GRK4: variants seen among roughly 807,000 people sequenced by gnomAD.
GRK4 encodes G protein-coupled receptor kinase 2-like.
A neutral mutation model predicts 77.9 loss-of-function variants in GRK4; 73 were observed. The observed-to-expected ratio is 0.94, with a 90% CI of 0.78 to 1.14. GRK4 has a LOEUF of 1.14. GRK4 is among the 50% of genes most tolerant of loss of function. The pLI, the probability that GRK4 is intolerant of heterozygous loss-of-function variation, is 0.00. For synonymous variants in GRK4, 257 were observed against 254.4 expected, an observed-to-expected ratio of 1.01 and a Z score of -0.10; for missense variants, 729 against 700.2, an observed-to-expected ratio of 1.04 and a Z score of -0.46.
At chr4:3,037,683 G>T (rs1741164992) in intron 14 of GRK4, among the ~76,000 whole-genome samples, 172 bp downstream of exon 14, 1 of 152,132 alleles carries the variant, frequency 6.6e-6, no homozygotes, top group Admixed American at 6.6e-5. Flanking sequence ...TTGGGAGGCT[G>T]AGGCAGGCAG....
At chr4:2,969,676 CTTT>C (rs11367430) in intron 1 of GRK4, among the ~76,000 whole-genome samples, 1 of 147,738 alleles carries the variant, frequency 6.8e-6, no homozygotes, top group Non-Finnish European at 1.5e-5. Flanking sequence ...GGTGCCCAGC[CTTT>C]TTTTTTTTTA....
At chr4:3,011,480 G>A (rs1256002607) in intron 7 of GRK4, among the ~76,000 whole-genome samples, 1 of 152,158 alleles carries the variant, frequency 6.6e-6, no homozygotes, top group African/African-American at 2.4e-5. Flanking sequence ...GTATAATTAT[G>A]ATTGTATAGA....
intron 3 of GRK4, among the ~76,000 whole-genome samples, chr4:2,990,246 C>CTTTTTT (rs71644371): frequency 4.5e-3 from 317 of 70,740 alleles, no homozygotes; most frequent in Non-Finnish European, 5.1e-3. Context: ...TCTTCTTCTT[C>CTTTTTT]TTTTTTTTTT....
At chr4:2,990,183 C>G (rs1261965841) in intron 3 of GRK4, among the ~76,000 whole-genome samples, 1 of 149,924 alleles carries the variant, frequency 6.7e-6, no homozygotes, top group African/African-American at 2.5e-5. Flanking sequence ...TCCCTCAGAT[C>G]TCTCCCAGTC....
At chr4:3,027,125 G>A (rs565855584) in intron 10 of GRK4, among the ~76,000 whole-genome samples, 3 of 152,204 alleles carry the variant, frequency 2.0e-5, no homozygotes, top group Admixed American at 1.3e-4. Context: ...CCGCAGCCTC[G>A]ACCTTCTGGG....
chr4:3,013,440 C>T (rs1267533597), intron 7 of GRK4, among the ~76,000 whole-genome samples: 1 of 152,150 alleles, frequency 6.6e-6, no homozygotes, highest in Non-Finnish European at 1.5e-5. Flanking sequence ...AAAAATTAAA[C>T]ATTTACCGTG....
At chr4:2,985,217 G>A (rs924720413) in intron 2 of GRK4, among the ~76,000 whole-genome samples, 28 of 151,068 alleles carry the variant, frequency 1.9e-4, no homozygotes, top group Admixed American at 3.3e-4. Context: ...TCGAGACCAC[G>A]GTGAAACCCC....
intron 8 of GRK4, among the ~76,000 whole-genome samples, chr4:3,019,349 G>A (rs1201987798): frequency 6.6e-6 from 1 of 152,210 alleles, no homozygotes; most frequent in African/African-American, 2.4e-5. Flanking sequence ...CTCAAGTGAT[G>A]AGAGCACAAC....
At chr4:3,012,170 G>A (rs950142342) in intron 7 of GRK4, among the ~76,000 whole-genome samples, 12 of 152,132 alleles carry the variant, frequency 7.9e-5, no homozygotes, top group South Asian at 2.1e-4. Context: ...TTAAATTAAC[G>A]ATAAAGAGAT....
chr4:3,027,800 A>G (rs1166057527), intron 10 of GRK4, 112 bp from the exon 11 acceptor site: 9 of 790,892 alleles, frequency 1.1e-5, no homozygotes, highest in African/African-American at 1.7e-5. Flanking sequence ...AGAGTATGAA[A>G]TGCTATTATT....
At chr4:3,030,856 T>C (rs975292335) in intron 12 of GRK4, among the ~76,000 whole-genome samples, 1 of 152,140 alleles carries the variant, frequency 6.6e-6, no homozygotes. Context: ...CATGAAGCCA[T>C]CGCAGGGCTC....
At chr4:2,982,207 G>T (rs1047569615) in intron 1 of GRK4, among the ~76,000 whole-genome samples, 1 of 151,904 alleles carries the variant, frequency 6.6e-6, no homozygotes, top group East Asian at 1.9e-4. Context: ...AACCTGGAAG[G>T]GGGTAGGGCT....
intron 12 of GRK4, among the ~76,000 whole-genome samples, chr4:3,033,766 T>C (rs1739801795): frequency 1.3e-5 from 2 of 152,156 alleles, no homozygotes; most frequent in South Asian, 2.1e-4. Context: ...TTTGTATTTT[T>C]AGTAGAGACC....
At chr4:3,006,067 G>C (rs894822284) in intron 5 of GRK4, among the ~76,000 whole-genome samples, 1 of 151,876 alleles carries the variant, frequency 6.6e-6, no homozygotes, top group Non-Finnish European at 1.5e-5. Context: ...AGAGTAAATG[G>C]ATTAGAGTAA....
At chr4:3,002,609 C>T (rs1730148776) in intron 4 of GRK4, among the ~76,000 whole-genome samples, 1 of 152,098 alleles carries the variant, frequency 6.6e-6, no homozygotes, top group African/African-American at 2.4e-5. Context: ...GCGGCTGAGG[C>T]AGGAGAATCG....
intron 1 of GRK4, among the ~76,000 whole-genome samples, chr4:2,971,804 CTG>C (rs1470795070): frequency 6.6e-6 from 1 of 152,206 alleles, no homozygotes; most frequent in Non-Finnish European, 1.5e-5. Context: ...CTGGCAGTCT[CTG>C]GTGTCCCCTG....
Position 2,964,156 on chromosome 4 carries a change from C to G in GRK4, c.52+34C>G, listed in dbSNP as rs554098887. ...GCGGCAGGCGCCCCCGACCCCCCCCCCAGAGAACCCCGAATCCCGGGGAAC... is the reference window on the plus strand; with the variant it reads ...GCGGCAGGCGCCCCCGACCCCCCCCGCAGAGAACCCCGAATCCCGGGGAAC... On this transcript the variant is annotated intron_variant, in intron 1 of 15. Transcript: ENST00000398052. 5.2e-5 allele frequency: 81 copies of G among 1,545,618 alleles called. 2 individuals are homozygous for G. In the South Asian group the frequency reaches 6.4e-4, roughly 12 times the overall value.
At position 2,971,784 on chromosome 4, in the gene GRK4, T is replaced by G. The variant is rs35916613; in HGVS notation, c.52+7662T>G. On this transcript the variant is annotated intron_variant, in intron 1 of 15. Coordinates refer to ENST00000398052, the MANE Select transcript of GRK4 (RefSeq NM_182982.3). Reference sequence around the variant, plus strand: ...TGTCGCAGGCCTCTCTCCCAGCCTCTGCTGGCTCGCTGGCAGTCTCTGGTG... The same window carrying G: ...TGTCGCAGGCCTCTCTCCCAGCCTCGGCTGGCTCGCTGGCAGTCTCTGGTG... 5.2e-3 allele frequency among the ~76,000 whole-genome samples: 796 copies of G among 152,354 alleles called. 8 individuals carry two copies. The highest frequency in any genetic ancestry group is 0.02 in the South Asian group (99 of 4,832).
Position 3,037,393 on chromosome 4 carries a change from A to G in GRK4, c.1427A>G (p.Lys476Arg). 1 of 1,605,696 alleles carries G rather than the reference A, an allele frequency of 6.2e-7. No individual in the cohort carries two copies. The highest frequency in any genetic ancestry group is 8.5e-7 in the Non-Finnish European group (1 of 1,173,456). ...FCPDPHAVYC[K>R]DVLDIEQFSV... Reference sequence around the variant, plus strand: ...ACACAGCCTCATGCCGTTTACTGTAAGGACGTCCTGGATATCGAGCAGTTC... The same window carrying G: ...ACACAGCCTCATGCCGTTTACTGTAGGGACGTCCTGGATATCGAGCAGTTC... The change falls in exon 14 of 16, where the codon AAG becomes AGG. Residue 476 changes from lysine (K) to arginine (R), a missense_variant. Transcript: ENST00000398052.
Sources: allele counts gnomAD v4.1 joint callset (sites outside exome capture counted in the v4.1 genomes callset), GRCh38; gene constraint gnomAD v4.1.1; transcripts MANE v1.5; gene names NCBI Gene and HGNC (gene_info 2026-07-23, HGNC 2026-07-21).